The following PLBD1 variants were observed in gnomAD, a reference collection of about 807,000 sequenced individuals.
PLBD1 encodes the protein phospholipase B domain containing 1.
A neutral mutation model predicts 63.0 loss-of-function variants in PLBD1; 60 were observed. The ratio of observed to expected loss-of-function variants is 0.95; its 90% CI spans 0.77 to 1.18. The LOEUF (loss-of-function observed/expected upper bound fraction) is 1.18. Ranked by LOEUF, PLBD1 falls within the 50% of genes most tolerant of loss-of-function variation. The probability of loss-of-function intolerance (pLI) is 0.00; values close to 1 mark genes in which losing one functional copy is unlikely to be tolerated. For missense variants in PLBD1, 598 were observed against 677.9 expected (o/e 0.88, Z 1.31); for synonymous variants, 262 against 248.0 (o/e 1.06, Z -0.53).
At chr12:14,505,881 C>T (rs1417820258) in intron 10 of PLBD1, among the ~76,000 whole-genome samples, 1 of 152,148 alleles carries the variant, frequency 6.6e-6, no homozygotes, top group Non-Finnish European at 1.5e-5. Context: ...GAGATTAAAG[C>T]CTTATTCTTC....
intron 2 of PLBD1, 126 bp from the exon 3 acceptor site, chr12:14,542,417 T>C: frequency 1.5e-6 from 1 of 656,542 alleles, no homozygotes; most frequent in South Asian, 2.2e-5. Flanking sequence ...ACTATCTTTT[T>C]TTTCCTTAAT....
intron 2 of PLBD1, among the ~76,000 whole-genome samples, chr12:14,550,589 A>C (rs12229090): frequency 4.9e-4 from 74 of 152,164 alleles, no homozygotes; most frequent in African/African-American, 1.6e-3. Flanking sequence ...TACTAAAAAT[A>C]AAAAATTAGG....
intron 2 of PLBD1, among the ~76,000 whole-genome samples, chr12:14,548,410 T>C (rs1347851121): frequency 1.5e-5 from 2 of 135,576 alleles, no homozygotes; most frequent in Non-Finnish European, 3.0e-5. Context: ...TAAGCCGAGA[T>C]TGTGCCACTG....
In PLBD1 at chr12:14,519,636, A is replaced by G. The variant is rs565835115; in HGVS notation, c.845-7925T>C. ...ATCATCTTAAAAAAAAAAAAAAAAA[A>G]AGGAGGAAGTGATGCCAGGTATAGC... On this transcript the variant is annotated intron_variant, in intron 6 of 10. Coordinates refer to ENST00000240617, the MANE Select transcript of PLBD1 (RefSeq NM_024829.6). 9.6e-3 allele frequency among the ~76,000 whole-genome samples: 1,453 copies of G among 151,232 alleles called. 15 individuals carry two copies. The highest frequency in any genetic ancestry group is 0.014 in the Non-Finnish European group (977 of 67,820).
At chr12:14,530,877 G>C (rs895071091) in intron 6 of PLBD1, among the ~76,000 whole-genome samples, 2 of 152,206 alleles carry the variant, frequency 1.3e-5, no homozygotes, top group Non-Finnish European at 2.9e-5. Flanking sequence ...AGCCTTAGCT[G>C]TTACTAGGCA....
intron 1 of PLBD1, among the ~76,000 whole-genome samples, chr12:14,565,887 GT>G (rs1945776644): frequency 6.6e-6 from 1 of 152,154 alleles, no homozygotes. Context: ...TCTCAGAAAT[GT>G]CCTTACTTTC....
intron 2 of PLBD1, 112 bp from the exon 3 acceptor site, chr12:14,542,403 G>A: frequency 1.4e-6 from 1 of 723,570 alleles, no homozygotes; most frequent in South Asian, 1.9e-5. Flanking sequence ...TACAAACTCT[G>A]CCTACTATCT....
chr12:14,507,878 A>G (rs1419504482), intron 8 of PLBD1, among the ~76,000 whole-genome samples: 2 of 152,208 alleles, frequency 1.3e-5, no homozygotes, highest in Non-Finnish European at 2.9e-5. Flanking sequence ...GCAGAATTTC[A>G]GAAACATCCT....
At chr12:14,560,176 T>G (rs757198732) in intron 1 of PLBD1, among the ~76,000 whole-genome samples, 10 of 152,280 alleles carry the variant, frequency 6.6e-5, no homozygotes, top group Non-Finnish European at 1.3e-4. Flanking sequence ...ATATTTTCTA[T>G]GAGTTCATTG....
In PLBD1 at chr12:14,511,317, C is replaced by A; in HGVS notation, c.1129G>T (p.Val377Leu). The A allele has an allele frequency of 6.2e-7, 1 of 1,612,448 alleles. No homozygotes were observed. The highest frequency in any genetic ancestry group is 8.5e-7 in the Non-Finnish European group (1 of 1,179,066). The change falls in exon 8 of 11, where the codon GTG (valine) becomes TTG (leucine). Residue 377 changes from valine (V) to leucine (L), a missense_variant. By Grantham distance (32) the Val-to-Leu change is conservative. Transcript: ENST00000240617. Reference protein sequence around the residue: ...HSLDKGTLYIVEQIPTYVEYS... With the variant: ...HSLDKGTLYILEQIPTYVEYS... ...TCTACATATGTAGGAATTTGCTCCA[C>A]AATGTACAGAGTGCCTTTGTCAAGA...
intron 10 of PLBD1, among the ~76,000 whole-genome samples, chr12:14,505,094 C>T (rs1181368161): frequency 7.0e-6 from 1 of 142,508 alleles, no homozygotes; most frequent in African/African-American, 2.6e-5. Flanking sequence ...GTGCCAGCTT[C>T]TCTACGTCTA....
chr12:14,551,847 G>A (rs1945661979), intron 2 of PLBD1, among the ~76,000 whole-genome samples: 1 of 152,144 alleles, frequency 6.6e-6, no homozygotes, highest in Non-Finnish European at 1.5e-5. Flanking sequence ...GCGAACAGAA[G>A]TGGATAAAGA....
chr12:14,562,576 T>G (rs1945749713), intron 1 of PLBD1, among the ~76,000 whole-genome samples: 1 of 152,202 alleles, frequency 6.6e-6, no homozygotes, highest in African/African-American at 2.4e-5. Context: ...TTTCATTTTT[T>G]ACCACATTAA....
intron 6 of PLBD1, among the ~76,000 whole-genome samples, 195 bp from the exon 7 acceptor site, chr12:14,511,906 AAAAG>A (rs1306446394): frequency 1.3e-5 from 2 of 152,194 alleles, no homozygotes; most frequent in Non-Finnish European, 2.9e-5. Flanking sequence ...TAGAGGTGCC[AAAAG>A]AACTCCACCC....
At chr12:14,560,153 C>G (rs1437365264) in intron 1 of PLBD1, among the ~76,000 whole-genome samples, 1 of 152,200 alleles carries the variant, frequency 6.6e-6, no homozygotes. Flanking sequence ...AGCCACTGCG[C>G]CCAGCCCAAT....
At chr12:14,510,147 C>A (rs899835810) in intron 8 of PLBD1, among the ~76,000 whole-genome samples, 2 of 152,092 alleles carry the variant, frequency 1.3e-5, no homozygotes, top group Non-Finnish European at 2.9e-5. Flanking sequence ...AGGCTGGGCA[C>A]CACAATTTGG....
intron 4 of PLBD1, among the ~76,000 whole-genome samples, chr12:14,537,642 T>C (rs1208183134): frequency 1.3e-5 from 2 of 152,208 alleles, no homozygotes; most frequent in African/African-American, 4.8e-5. Flanking sequence ...AGAGCACGGC[T>C]CCAGGAAGAT....
chr12:14,557,755 A>G (rs2136933746), intron 1 of PLBD1, among the ~76,000 whole-genome samples: 1 of 152,266 alleles, frequency 6.6e-6, no homozygotes, highest in South Asian at 2.1e-4. Flanking sequence ...TGGGTGATGA[A>G]ATAATTCATA....
chr12:14,519,618 TAAAA>T (rs77006344), intron 6 of PLBD1, among the ~76,000 whole-genome samples: 1 of 115,482 alleles, frequency 8.7e-6, no homozygotes, highest in African/African-American at 3.2e-5. Context: ...GACATCATCT[TAAAA>T]AAAAAAAAAA....
Sources: allele counts gnomAD v4.1 joint callset (sites outside exome capture counted in the v4.1 genomes callset), GRCh38; gene constraint gnomAD v4.1.1; transcripts MANE v1.5; gene names NCBI Gene and HGNC (gene_info 2026-07-23, HGNC 2026-07-21).